The following ME1 variants were observed in gnomAD, a reference collection of about 807,000 sequenced individuals.
ME1 encodes malic enzyme 1.
Under a neutral mutation model 66.4 loss-of-function variants are expected in ME1, and 74 were observed. The ratio of observed to expected loss-of-function variants is 1.11; its 90% CI spans 0.92 to 1.35. The LOEUF is 1.35. ME1 is among the 40% of genes most tolerant of loss of function. The pLI is 0.00. For synonymous variants in ME1, 251 were observed against 235.6 expected, an observed-to-expected ratio of 1.07 and a Z score of -0.60; for missense variants, 750 against 694.1, an observed-to-expected ratio of 1.08 and a Z score of -0.90.
At chr6:83,306,373 G>A (rs1305525132) in intron 6 of ME1, among the ~76,000 whole-genome samples, 5 of 151,840 alleles carry the variant, frequency 3.3e-5, no homozygotes, top group South Asian at 2.1e-4. Flanking sequence ...TTTTCAAATC[G>A]TAATGATTAT....
chr6:83,353,737 G>C (rs1261397271), intron 3 of ME1, among the ~76,000 whole-genome samples: 4 of 152,154 alleles, frequency 2.6e-5, no homozygotes, highest in Non-Finnish European at 4.4e-5. Flanking sequence ...CTTTTGACAT[G>C]TCTATAGTAG....
intron 7 of ME1, among the ~76,000 whole-genome samples, chr6:83,241,815 C>T (rs1380841850): frequency 6.6e-6 from 1 of 152,072 alleles, no homozygotes; most frequent in East Asian, 1.9e-4. Flanking sequence ...ATAAGTCAGA[C>T]AGAATTCGTG....
chr6:83,392,650 G>C, intron 3 of ME1: 1 of 589,880 alleles, frequency 1.7e-6, no homozygotes, highest in African/African-American at 1.8e-5. Context: ...TATTTTCCAG[G>C]GGCAAGATCT....
At chr6:83,283,427 G>T (rs978581586) in intron 6 of ME1, among the ~76,000 whole-genome samples, 4 of 151,448 alleles carry the variant, frequency 2.6e-5, no homozygotes, top group East Asian at 1.9e-4. Context: ...CTCATGGGGT[G>T]GGGGGAAAGG....
At chr6:83,397,517 G>A (rs1322429427) in intron 3 of ME1, among the ~76,000 whole-genome samples, 1 of 152,156 alleles carries the variant, frequency 6.6e-6, no homozygotes, top group African/African-American at 2.4e-5. Flanking sequence ...CTTATTCACT[G>A]TTCAGTGGGA....
chr6:83,317,674 T>C (rs1340791723), intron 5 of ME1, among the ~76,000 whole-genome samples: 2 of 152,078 alleles, frequency 1.3e-5, no homozygotes, highest in Non-Finnish European at 2.9e-5. Context: ...CCTGCCTAAT[T>C]GCCCTTGCTC....
At chr6:83,350,961 G>A (rs1768789124) in intron 4 of ME1, among the ~76,000 whole-genome samples, 1 of 112,504 alleles carries the variant, frequency 8.9e-6, no homozygotes, top group African/African-American at 3.5e-5. Flanking sequence ...AGCAACTTAG[G>A]TGGAGAAAGC....
intron 7 of ME1, among the ~76,000 whole-genome samples, 199 bp from the exon 8 acceptor site, chr6:83,239,835 A>G (rs1339735290): frequency 2.0e-5 from 3 of 152,088 alleles, no homozygotes; most frequent in African/African-American, 7.2e-5. Context: ...GCAGCTTACT[A>G]CTATTCTTGA....
intron 6 of ME1, among the ~76,000 whole-genome samples, chr6:83,283,227 C>CAAAAAAAAAAAAAA (rs71545854): frequency 2.0e-3 from 58 of 28,890 alleles, no homozygotes; most frequent in African/African-American, 7.5e-3. Flanking sequence ...GACTCCGTCT[C>CAAAAAAAAAAAAAA]AAAAAAAAAA....
rs535169027 is a variant in ME1, at chr6:83,250,213, T to C, written c.814+3416A>G. ...ATTTTCCTCAAACTTCCAATCCTGT[T>C]ATTTCAAAGAAAATAACAGGATTGT... On this transcript the variant is annotated intron_variant, in intron 7 of 13. Coordinates refer to ENST00000369705, the MANE Select transcript of ME1 (RefSeq NM_002395.6). Among the ~76,000 whole-genome samples, 47 of 150,264 alleles carry C rather than the reference T, an allele frequency of 3.1e-4. 1 individual carries two copies. The South Asian group carries it at 9.8e-3, about 31-fold the overall frequency.
intron 4 of ME1, among the ~76,000 whole-genome samples, chr6:83,347,867 GA>G (rs1768718272): frequency 6.6e-6 from 1 of 152,048 alleles, no homozygotes; most frequent in African/African-American, 2.4e-5. Flanking sequence ...AAAAATCAGA[GA>G]ACTGAAATAA....
At chr6:83,269,749 T>C (rs1767052873) in intron 6 of ME1, among the ~76,000 whole-genome samples, 1 of 152,164 alleles carries the variant, frequency 6.6e-6, no homozygotes, top group Non-Finnish European at 1.5e-5. Flanking sequence ...TAATGAGAAT[T>C]TGGAAGAGGA....
At chr6:83,429,474 A>G (rs1166806678) in intron 1 of ME1, among the ~76,000 whole-genome samples, 2 of 152,204 alleles carry the variant, frequency 1.3e-5, no homozygotes, top group Non-Finnish European at 2.9e-5. Context: ...CAGGTGACAC[A>G]TACAAGTCAC....
intron 3 of ME1, among the ~76,000 whole-genome samples, chr6:83,386,946 G>A (rs1340649808): frequency 6.6e-6 from 1 of 152,064 alleles, no homozygotes; most frequent in African/African-American, 2.4e-5. Context: ...CCCCAGAACT[G>A]TGAGAAATGA....
intron 3 of ME1, among the ~76,000 whole-genome samples, chr6:83,372,580 T>C (rs188620462): frequency 7.3e-4 from 111 of 152,326 alleles, no homozygotes; most frequent in African/African-American, 2.1e-3. Flanking sequence ...CAAGTTGCTA[T>C]TGGCATTGTC....
chr6:83,227,182 G>A (rs191479287), intron 11 of ME1, among the ~76,000 whole-genome samples, 153 bp downstream of exon 11: 114 of 152,126 alleles, frequency 7.5e-4, no homozygotes, highest in Non-Finnish European at 1.2e-3. Flanking sequence ...TCTAGAAAAG[G>A]AAATAGTTCT....
Position 83,357,899 on chromosome 6 carries a change from T to TCCCCCCCC in ME1, c.363-5761_363-5760insGGGGGGGG, listed in dbSNP as rs1365576040. On this transcript the variant is annotated intron_variant, in intron 3 of 13. Transcript: ENST00000369705. ...TCATGTTAGTTAATACTTAATAAAC[T>TCCCCCCCC]CCCCTCTCTCTCTCTCTCTCTCTCT... Among the ~76,000 whole-genome samples, 6 of 62,218 alleles carry TCCCCCCCC rather than the reference T, an allele frequency of 9.6e-5. No individual in the cohort carries two copies. In the East Asian group the frequency reaches 1.7e-3, roughly 17 times the overall value. The allele number at this position is 62,218 out of a possible 152,430, so 40.8% of individuals were successfully genotyped here. A position where few individuals can be genotyped will look rare whatever the true frequency, so the allele number is the denominator to read the frequency against.
At chr6:83,222,482 G>A (rs755202215) in intron 12 of ME1, among the ~76,000 whole-genome samples, 3 of 152,164 alleles carry the variant, frequency 2.0e-5, no homozygotes, top group Non-Finnish European at 4.4e-5. Context: ...TATCAATCAA[G>A]TTCTTTGGAT....
chr6:83,287,800 A>T (rs1192363914), intron 6 of ME1, among the ~76,000 whole-genome samples: 1 of 151,900 alleles, frequency 6.6e-6, no homozygotes, highest in Non-Finnish European at 1.5e-5. Flanking sequence ...TTTTTCCACA[A>T]CCTCTCCAGC....
Sources: allele counts gnomAD v4.1 joint callset (sites outside exome capture counted in the v4.1 genomes callset), GRCh38; gene constraint gnomAD v4.1.1; transcripts MANE v1.5; gene names NCBI Gene and HGNC (gene_info 2026-07-23, HGNC 2026-07-21).